Variants in MGAT4C observed in about 807,000 individuals in gnomAD.
MGAT4C encodes MGAT4 family member C, also known as alpha-1,3-mannosyl-glycoprotein 4-beta-N-acetylglucosaminyltransferase C.
In MGAT4C, 19 loss-of-function variants were observed where a neutral mutation model predicts 40.1. The observed-to-expected ratio is 0.47, with a 90% CI of 0.33 to 0.70. The LOEUF is 0.70. Ranked by LOEUF, MGAT4C falls within the 30% of genes least tolerant of loss-of-function variation. The probability of loss-of-function intolerance (pLI) is 0.02; values close to 1 mark genes in which losing one functional copy is unlikely to be tolerated. For synonymous variants in MGAT4C, 181 were observed against 187.1 expected, an observed-to-expected ratio of 0.97 and a Z score of 0.27; for missense variants, 491 against 563.2, an observed-to-expected ratio of 0.87 and a Z score of 1.30.
At chr12:86,164,926 T>C (rs1886019988) in intron 1 of MGAT4C, among the ~76,000 whole-genome samples, 2 of 152,184 alleles carry the variant, frequency 1.3e-5, no homozygotes, top group Admixed American at 1.3e-4. Context: ...TTTAATAAAA[T>C]GTTGACATTG....
At chr12:86,752,734 T>C (rs1951245316) in intron 1 of MGAT4C, among the ~76,000 whole-genome samples, 1 of 152,092 alleles carries the variant, frequency 6.6e-6, no homozygotes, top group South Asian at 2.1e-4. Context: ...GAATAGAAAG[T>C]CCAGAAGTAG....
At chr12:86,418,817 G>A (rs1956768912) in intron 3 of MGAT4C, among the ~76,000 whole-genome samples, 1 of 151,874 alleles carries the variant, frequency 6.6e-6, no homozygotes. Flanking sequence ...TAAAGAAATT[G>A]CAAATATAAC....
chr12:86,354,733 A>C (rs546808709), intron 3 of MGAT4C, among the ~76,000 whole-genome samples: 9 of 152,332 alleles, frequency 5.9e-5, no homozygotes, highest in African/African-American at 1.9e-4. Context: ...AGTATGCAAC[A>C]AACTTGTGGC....
chr12:86,551,525 C>T (rs558763786), intron 2 of MGAT4C, among the ~76,000 whole-genome samples: 2 of 152,148 alleles, frequency 1.3e-5, no homozygotes, highest in South Asian at 2.1e-4. Context: ...GTTGAAACAC[C>T]CCCACATTGG....
chr12:86,259,940 AC>A (rs1952625505), upstream of MGAT4C, among the ~76,000 whole-genome samples: 1 of 152,036 alleles, frequency 6.6e-6, no homozygotes. Flanking sequence ...TACAATTGTA[AC>A]ACCTGTAATT....
chr12:86,507,902 T>A (rs897104217), intron 2 of MGAT4C, among the ~76,000 whole-genome samples: 2 of 152,132 alleles, frequency 1.3e-5, no homozygotes, highest in Non-Finnish European at 2.9e-5. Flanking sequence ...TTCTTTGTGG[T>A]TCCATACAAA....
At chr12:86,596,984 T>C (rs919362163) in intron 2 of MGAT4C, among the ~76,000 whole-genome samples, 3 of 152,222 alleles carry the variant, frequency 2.0e-5, no homozygotes, top group Non-Finnish European at 4.4e-5. Context: ...GCATCATTAA[T>C]GTTAAAACAG....
intron 2 of MGAT4C, among the ~76,000 whole-genome samples, chr12:86,045,461 A>G (rs1892306767): frequency 6.6e-6 from 1 of 152,198 alleles, no homozygotes; most frequent in Non-Finnish European, 1.5e-5. Flanking sequence ...GAGGAAAGGG[A>G]GCCAAGCTAT....
At chr12:86,074,343 T>TAGAC (rs1186091504) in intron 1 of MGAT4C, among the ~76,000 whole-genome samples, 1 of 139,222 alleles carries the variant, frequency 7.2e-6, no homozygotes, top group African/African-American at 3.2e-5. Context: ...AACATATAGA[T>TAGAC]AGATAGATAG....
In MGAT4C at chr12:85,957,657, C is replaced by CAAAAAAAAAAAAAAAAAGAA. The variant is rs5799763; in HGVS notation, c.*21631_*21632insTTCTTTTTTTTTTTTTTTTT. 1.2e-4 allele frequency: 12 copies of CAAAAAAAAAAAAAAAAAGAA among 101,224 alleles called. No individual in the cohort carries two copies. The highest frequency in any genetic ancestry group is 4.5e-4 in the African/African-American group (11 of 24,684). 6.3% of individuals were successfully genotyped at this position (101,224 alleles called of 1,614,324 possible). A position where few individuals can be genotyped will look rare whatever the true frequency, so the allele number is the denominator to read the frequency against. On this transcript the variant is annotated 3_prime_UTR_variant, in exon 5 of 5. Transcript: ENST00000611864. ...TTTACTGTAGAGTTGAATAAGAAAGCAAAAAAAAAAAAAAAAGAAAAAAGA... is the reference window on the plus strand; with the variant it reads ...TTTACTGTAGAGTTGAATAAGAAAGCAAAAAAAAAAAAAAAAAGAAAAAAAAAAAAAAAAAAGAAAAAAGA...
At chr12:86,461,390 C>T (rs1047741462) in intron 2 of MGAT4C, among the ~76,000 whole-genome samples, 25 of 151,854 alleles carry the variant, frequency 1.6e-4, no homozygotes, top group Non-Finnish European at 2.8e-4. Context: ...GGACTACAGG[C>T]GCCCGCCACC....
chr12:86,083,596 G>C (rs1871240543), intron 1 of MGAT4C, among the ~76,000 whole-genome samples: 1 of 151,864 alleles, frequency 6.6e-6, no homozygotes, highest in South Asian at 2.1e-4. Context: ...TTGAGGATGG[G>C]CTGTACTAGA....
At chr12:86,249,574 C>T (rs1207296472) in intron 1 of MGAT4C, among the ~76,000 whole-genome samples, 3 of 152,232 alleles carry the variant, frequency 2.0e-5, no homozygotes, top group African/African-American at 7.2e-5. Flanking sequence ...ATTTAAACAT[C>T]CAGCCAAGGA....
At position 86,764,856 on chromosome 12, in the gene MGAT4C, A is replaced by G. The variant is rs558316466; in HGVS notation, c.-261-37615T>C. 3.5e-4 allele frequency among the ~76,000 whole-genome samples: 54 copies of G among 152,184 alleles called. No homozygotes were observed. In the East Asian group the frequency reaches 8.9e-3, roughly 25 times the overall value. ...AACAGAAAGGACATCCACACCAAAA[A>G]CCCATCTGTACATCACCATCATCAA... On this transcript the variant is annotated intron_variant, in intron 1 of 7. Transcript: ENST00000548651.
intron 2 of MGAT4C, among the ~76,000 whole-genome samples, chr12:86,633,680 A>G (rs551332354): frequency 1.3e-5 from 2 of 152,228 alleles, no homozygotes; most frequent in East Asian, 1.9e-4. Flanking sequence ...ATTTAATTTG[A>G]TCCCTAAAAC....
intron 2 of MGAT4C, among the ~76,000 whole-genome samples, chr12:86,435,612 C>A (rs1417102554): frequency 6.6e-6 from 1 of 151,802 alleles, no homozygotes; most frequent in Admixed American, 6.6e-5. Context: ...AATAGTCAGG[C>A]CAGTATTTAT....
At chr12:86,603,546 TAG>T (rs1172614313) in intron 2 of MGAT4C, among the ~76,000 whole-genome samples, 1 of 3,944 alleles carries the variant, frequency 2.5e-4, no homozygotes, top group Non-Finnish European at 2.2e-3. Flanking sequence ...CTATAGACTA[TAG>T]ATAATATATA....
At chr12:86,542,319 G>T (rs78202701) in intron 2 of MGAT4C, among the ~76,000 whole-genome samples, 381 of 152,068 alleles carry the variant, frequency 2.5e-3, no homozygotes, top group Non-Finnish European at 4.0e-3. Context: ...TCACATTCAG[G>T]AAATAAGTAG....
At chr12:86,713,441 C>T (rs779461354) in intron 2 of MGAT4C, among the ~76,000 whole-genome samples, 2 of 152,022 alleles carry the variant, frequency 1.3e-5, no homozygotes, top group Non-Finnish European at 2.9e-5. Flanking sequence ...TGGGTTCTCA[C>T]ATCATAATGA....
Sources: gnomAD v4.1 joint callset for allele counts (sites outside exome capture counted in the v4.1 genomes callset) on GRCh38, gnomAD v4.1.1 for gene constraint, MANE v1.5 for transcripts, NCBI Gene and HGNC (gene_info 2026-07-23, HGNC 2026-07-21) for gene names.